The following PTN variants were observed in gnomAD, a reference collection of about 807,000 sequenced individuals.
PTN encodes heparin affin regulatory protein.
A neutral mutation model predicts 24.1 loss-of-function variants in PTN; 18 were observed. That is an observed-to-expected ratio of 0.75 (90% CI 0.52 to 1.11). The LOEUF is 1.11. Among genes scored for constraint, PTN ranks in the 50% least tolerant of loss-of-function variants. The pLI is 0.00. For synonymous variants in PTN, 78 were observed against 68.6 expected (o/e 1.14, Z -0.67); for missense variants, 163 against 198.8 (o/e 0.82, Z 1.08).
intron 1 of PTN, among the ~76,000 whole-genome samples, chr7:137,266,539 A>G (rs745533309): frequency 6.6e-6 from 1 of 151,274 alleles, no homozygotes; most frequent in African/African-American, 2.4e-5. Context: ...TATTACAAAC[A>G]TTTTTTTTTA....
intron 4 of PTN, among the ~76,000 whole-genome samples, chr7:137,232,013 C>T (rs533293988): frequency 9.2e-5 from 14 of 151,966 alleles, no homozygotes; most frequent in South Asian, 4.1e-4. Context: ...AGTCATATAG[C>T]GGCTACTCTA....
At chr7:137,254,742 G>A (rs1366745867) in intron 2 of PTN, 117 bp downstream of exon 2, 5 of 551,934 alleles carry the variant, frequency 9.1e-6, no homozygotes, top group Non-Finnish European at 1.5e-5. Flanking sequence ...AAGATTGAAG[G>A]AATAGAGGAA....
chr7:137,295,662 T>C (rs78737527), intron 1 of PTN, among the ~76,000 whole-genome samples: 62 of 152,228 alleles, frequency 4.1e-4, no homozygotes, highest in African/African-American at 1.5e-3. Context: ...TTAAATAAAA[T>C]ATATTATTAG....
At chr7:137,279,287 A>G (rs537042594) in intron 1 of PTN, among the ~76,000 whole-genome samples, 1 of 152,324 alleles carries the variant, frequency 6.6e-6, no homozygotes, top group South Asian at 2.1e-4. Flanking sequence ...ACTTTAATAC[A>G]ATACTGAAAT....
intron 1 of PTN, among the ~76,000 whole-genome samples, chr7:137,304,826 T>C (rs1252503813): frequency 1.3e-5 from 2 of 152,016 alleles, no homozygotes; most frequent in African/African-American, 2.4e-5. Flanking sequence ...TTAAGCATCC[T>C]GGTGGCGCTG....
chr7:137,338,501 C>T (rs1810483786), intron 1 of PTN, among the ~76,000 whole-genome samples: 1 of 152,182 alleles, frequency 6.6e-6, no homozygotes, highest in Non-Finnish European at 1.5e-5. Flanking sequence ...TACCATTTAG[C>T]CTTTTGTGAG....
intron 4 of PTN, among the ~76,000 whole-genome samples, chr7:137,248,502 A>G (rs1313373604): frequency 6.6e-6 from 1 of 152,200 alleles, no homozygotes; most frequent in Admixed American, 6.5e-5. Context: ...CCTGACCAAC[A>G]TGATGAAATG....
chr7:137,234,766 A>T (rs1273079312), intron 4 of PTN, among the ~76,000 whole-genome samples: 1 of 152,072 alleles, frequency 6.6e-6, no homozygotes, highest in Admixed American at 6.6e-5. Flanking sequence ...TGCTTTGATT[A>T]CTTATTTTCA....
In PTN at chr7:137,343,570, G is replaced by T; in HGVS notation, c.-133C>A. ...CCGCTGCTGCTCTCCCCGCCTTCTG[G>T]ACGGATGACTCACTGGTCTCTTTCT... On this transcript the variant is annotated 5_prime_UTR_variant, in exon 1 of 5. Coordinates refer to ENST00000348225, the MANE Select transcript of PTN (RefSeq NM_002825.7). 1.9e-6 allele frequency: 1 copy of T among 518,970 alleles called. No homozygotes were observed. The highest frequency in any genetic ancestry group is 3.8e-6 in the Non-Finnish European group (1 of 259,882). The allele number at this position is 518,970 out of a possible 1,614,324, so 32.1% of individuals were successfully genotyped here. A position where few individuals can be genotyped will look rare whatever the true frequency, so the allele number is the denominator to read the frequency against.
chr7:137,340,559 C>T (rs1810517845), intron 1 of PTN, among the ~76,000 whole-genome samples: 1 of 152,194 alleles, frequency 6.6e-6, no homozygotes, highest in Admixed American at 6.5e-5. Context: ...AAAAAGCAAG[C>T]CCAGCTCATA....
intron 1 of PTN, among the ~76,000 whole-genome samples, chr7:137,285,483 C>T (rs1173037603): frequency 4.6e-5 from 7 of 151,988 alleles, no homozygotes; most frequent in African/African-American, 1.5e-4. Context: ...CTGGCCAACA[C>T]GGTAAAACCC....
chr7:137,234,266 T>C (rs1808481520), intron 4 of PTN, among the ~76,000 whole-genome samples: 2 of 152,018 alleles, frequency 1.3e-5, no homozygotes, highest in Admixed American at 1.3e-4. Flanking sequence ...GACCTCTTGT[T>C]ATTATAAATA....
At chr7:137,230,622 G>A (rs929893927) in intron 4 of PTN, among the ~76,000 whole-genome samples, 9 of 151,608 alleles carry the variant, frequency 5.9e-5, no homozygotes, top group African/African-American at 2.2e-4. Context: ...GCTTCCAATC[G>A]AAAGCAGTTT....
intron 4 of PTN, among the ~76,000 whole-genome samples, chr7:137,248,603 C>A (rs1292178511): frequency 6.6e-6 from 1 of 152,112 alleles, no homozygotes; most frequent in Non-Finnish European, 1.5e-5. Flanking sequence ...TCACTTGAAC[C>A]CAGGAGGCGG....
At chr7:137,307,281 A>G (rs1263040833) in intron 1 of PTN, among the ~76,000 whole-genome samples, 1 of 152,040 alleles carries the variant, frequency 6.6e-6, no homozygotes, top group Non-Finnish European at 1.5e-5. Flanking sequence ...GGTTCCTGAC[A>G]ATCTAAGTTT....
chr7:137,265,703 T>C (rs545819779), intron 1 of PTN, among the ~76,000 whole-genome samples: 39 of 152,300 alleles, frequency 2.6e-4, no homozygotes, highest in African/African-American at 8.7e-4. Context: ...ACCATCTTAG[T>C]GGAAGGGAGA....
chr7:137,292,430 T>G (rs1264503583), intron 1 of PTN, among the ~76,000 whole-genome samples: 1 of 152,086 alleles, frequency 6.6e-6, no homozygotes, highest in African/African-American at 2.4e-5. Flanking sequence ...AGTGAATAAG[T>G]CTCATGAGAT....
chr7:137,300,124 T>C (rs956325785), intron 1 of PTN, among the ~76,000 whole-genome samples: 4 of 151,898 alleles, frequency 2.6e-5, no homozygotes, highest in Non-Finnish European at 5.9e-5. Flanking sequence ...GATAAATACA[T>C]GAACAGGTAG....
chr7:137,332,912 A>C (rs1184570671), intron 1 of PTN, among the ~76,000 whole-genome samples: 3 of 152,188 alleles, frequency 2.0e-5, no homozygotes, highest in Non-Finnish European at 4.4e-5. Context: ...TCAAATAAGA[A>C]AGCCATTATG....
Sources: allele counts gnomAD v4.1 joint callset (sites outside exome capture counted in the v4.1 genomes callset), GRCh38; gene constraint gnomAD v4.1.1; transcripts MANE v1.5; gene names NCBI Gene and HGNC (gene_info 2026-07-23, HGNC 2026-07-21).